The following GRAMD1B variants were observed in gnomAD, a reference collection of about 807,000 sequenced individuals.
GRAMD1B encodes the protein protein Aster-B.
In GRAMD1B, 37 loss-of-function variants were observed where a neutral mutation model predicts 99.7. That is an observed-to-expected ratio of 0.37 (90% CI 0.29 to 0.49). GRAMD1B has a LOEUF of 0.49. Among genes scored for constraint, GRAMD1B ranks in the 20% least tolerant of loss-of-function variants. GRAMD1B has a pLI of 0.98. For synonymous variants in GRAMD1B, 427 were observed against 387.6 expected, an observed-to-expected ratio of 1.10 and a Z score of -1.19; for missense variants, 888 against 1,009.2, an observed-to-expected ratio of 0.88 and a Z score of 1.63.
At chr11:123,567,662 C>T (rs1022631913) in intron 2 of GRAMD1B, among the ~76,000 whole-genome samples, 6 of 152,190 alleles carry the variant, frequency 3.9e-5, no homozygotes, top group African/African-American at 1.4e-4. Flanking sequence ...ATGCCTGTTC[C>T]TGGATTGAAT....
At chr11:123,570,000 T>A (rs1947881904) in intron 2 of GRAMD1B, among the ~76,000 whole-genome samples, 1 of 152,220 alleles carries the variant, frequency 6.6e-6, no homozygotes, top group South Asian at 2.1e-4. Context: ...TATGACAAGC[T>A]CAAATGATTT....
rs1445712621 is a variant in GRAMD1B, at chr11:123,624,920, G to C, written c.*2325G>C. On this transcript the variant is annotated 3_prime_UTR_variant, in exon 20 of 20. Transcript: ENST00000635736. ...TCCCAGGAGGAAAAGGTGGCAGAGA[G>C]GGCAGTACTGAGTATGTCAGAAGAG... The C allele has an allele frequency of 6.6e-6, 1 of 152,170 alleles. No individual in the cohort carries two copies. Among genetic ancestry groups the C allele is most frequent in the Non-Finnish European group, 1.5e-5 (1 of 68,042 alleles). 9.4% of individuals were successfully genotyped at this position (152,170 alleles called of 1,614,324 possible).
chr11:123,443,402 G>A (rs548057934), intron 1 of GRAMD1B, among the ~76,000 whole-genome samples: 3 of 152,314 alleles, frequency 2.0e-5, no homozygotes, highest in African/African-American at 7.2e-5. Flanking sequence ...CTGAGAACAT[G>A]TGTGCAAGGT....
At chr11:123,425,692 A>C (rs1948623669), upstream of GRAMD1B, among the ~76,000 whole-genome samples, 1 of 152,138 alleles carries the variant, frequency 6.6e-6, no homozygotes, top group African/African-American at 2.4e-5. Flanking sequence ...AAAGTCCTGA[A>C]GCATTTTCTC....
intron 1 of GRAMD1B, among the ~76,000 whole-genome samples, chr11:123,386,515 G>GCCAACCTCTGTCAAGA (rs1451440131): frequency 6.8e-6 from 1 of 146,094 alleles, no homozygotes; most frequent in Non-Finnish European, 1.5e-5. Context: ...TTGGCTCACC[G>GCCAACCTCTGTCAAGA]CAACCTCTGT....
intron 3 of GRAMD1B, among the ~76,000 whole-genome samples, chr11:123,583,410 CTG>C (rs1265701242): frequency 2.3e-5 from 3 of 131,062 alleles, no homozygotes; most frequent in Admixed American, 7.8e-5. Flanking sequence ...GTGTGTGTGT[CTG>C]TGTATATGTG....
At chr11:123,570,149 G>T (rs937380362) in intron 2 of GRAMD1B, among the ~76,000 whole-genome samples, 1 of 152,176 alleles carries the variant, frequency 6.6e-6, no homozygotes, top group Non-Finnish European at 1.5e-5. Flanking sequence ...GGAGCGTAGT[G>T]GTTCTCAAAC....
chr11:123,611,665 C>T (rs1328875757), intron 14 of GRAMD1B, among the ~76,000 whole-genome samples: 1 of 152,148 alleles, frequency 6.6e-6, no homozygotes, highest in African/African-American at 2.4e-5. Flanking sequence ...CTTTTCTCTG[C>T]AGCCATGCAG....
chr11:123,612,205 A>G (rs1299671746), intron 14 of GRAMD1B, among the ~76,000 whole-genome samples: 3 of 152,086 alleles, frequency 2.0e-5, no homozygotes, highest in Non-Finnish European at 2.9e-5. Context: ...AGCTGGGACT[A>G]CAGACATGAC....
In GRAMD1B at chr11:123,590,522, G is replaced by A. The variant is rs377589710; in HGVS notation, c.685-3560G>A. 5.3e-5 allele frequency among the ~76,000 whole-genome samples: 8 copies of A among 152,294 alleles called. No homozygotes were observed. The East Asian group carries it at 1.2e-3, about 22-fold the overall frequency. On this transcript the variant is annotated intron_variant, in intron 4 of 19. Coordinates refer to ENST00000635736, the MANE Select transcript of GRAMD1B (RefSeq NM_001387025.1). Reference sequence around the variant, plus strand: ...TGGGGGTTACTGGAGGACATTGGCCGGGACCATCACCCAGATCCTGTAACT... The same window carrying A: ...TGGGGGTTACTGGAGGACATTGGCCAGGACCATCACCCAGATCCTGTAACT...
At chr11:123,443,988 A>T (rs1949525566) in intron 1 of GRAMD1B, among the ~76,000 whole-genome samples, 1 of 152,142 alleles carries the variant, frequency 6.6e-6, no homozygotes, top group African/African-American at 2.4e-5. Context: ...GGTTGTGGAG[A>T]CCAAAGTTCT....
chr11:123,462,354 C>G (rs921541255), intron 1 of GRAMD1B, among the ~76,000 whole-genome samples: 3 of 118,502 alleles, frequency 2.5e-5, no homozygotes, highest in Non-Finnish European at 5.1e-5. Flanking sequence ...TCAAACTGGG[C>G]AGAGCAGACT....
intron 2 of GRAMD1B, among the ~76,000 whole-genome samples, chr11:123,572,132 C>T (rs1041081623): frequency 6.6e-6 from 1 of 152,166 alleles, no homozygotes; most frequent in African/African-American, 2.4e-5. Flanking sequence ...AAAGTCATAT[C>T]ACCTTGTCTA....
At chr11:123,371,306 C>A (rs1201097248) in intron 1 of GRAMD1B, among the ~76,000 whole-genome samples, 1 of 152,088 alleles carries the variant, frequency 6.6e-6, no homozygotes, top group Non-Finnish European at 1.5e-5. Flanking sequence ...GGTCTCACGG[C>A]CTGTCTGCCA....
intron 1 of GRAMD1B, among the ~76,000 whole-genome samples, chr11:123,364,225 G>A (rs1023742047): frequency 6.6e-6 from 1 of 152,248 alleles, no homozygotes; most frequent in Non-Finnish European, 1.5e-5. Flanking sequence ...GGGAGCGATG[G>A]GTGGAACAGT....
At chr11:123,513,609 CCTTCCTTCCTTT>C (rs1941345209) in intron 2 of GRAMD1B, among the ~76,000 whole-genome samples, 8 of 36,020 alleles carry the variant, frequency 2.2e-4, no homozygotes, top group African/African-American at 5.5e-4. Flanking sequence ...TTCCTTCCTT[CCTTCCTTCCTTT>C]CTTTCTTTCT....
Position 123,609,801 on chromosome 11 carries a change from T to A in GRAMD1B, c.1664T>A (p.Ile555Asn), listed in dbSNP as rs760097861. The A allele has an allele frequency of 9.0e-6, 14 of 1,559,566 alleles. No individual in the cohort carries two copies. The highest frequency in any genetic ancestry group is 1.1e-5 in the Non-Finnish European group (12 of 1,138,526). Reference sequence around the variant, plus strand: ...GGCTCTCCTCTACCCTTAGATATCATCTTCCATCCATGGAAAAAGGAGGAG... The same window carrying A: ...GGCTCTCCTCTACCCTTAGATATCAACTTCCATCCATGGAAAAAGGAGGAG... The part of the protein sequence containing the change: ...FMEQRRFSDI[I>N]FHPWKKEENG... The change falls in exon 13 of 20, where the codon ATC becomes AAC. Residue 555 changes from isoleucine to asparagine, a missense_variant. Ile to Asn is a moderately radical substitution (Grantham distance 149, BLOSUM62 -3). Coordinates refer to ENST00000635736, the MANE Select transcript of GRAMD1B (RefSeq NM_001387025.1).
chr11:123,536,462 A>G (rs1943970620), intron 2 of GRAMD1B, among the ~76,000 whole-genome samples: 1 of 152,142 alleles, frequency 6.6e-6, no homozygotes, highest in African/African-American at 2.4e-5. Flanking sequence ...AAATCGGGTT[A>G]ATGACATCTA....
chr11:123,542,337 C>T (rs140587340), intron 2 of GRAMD1B, among the ~76,000 whole-genome samples: 2 of 152,326 alleles, frequency 1.3e-5, no homozygotes, highest in African/African-American at 4.8e-5. Context: ...TCGCCAGTTA[C>T]AAGGTCCCAT....
Sources: gnomAD v4.1 joint callset for allele counts (sites outside exome capture counted in the v4.1 genomes callset) on GRCh38, gnomAD v4.1.1 for gene constraint, MANE v1.5 for transcripts, NCBI Gene and HGNC (gene_info 2026-07-23, HGNC 2026-07-21) for gene names.